Variants in EIF4G3 observed in about 807,000 individuals in gnomAD.
EIF4G3 encodes the protein eIF-4-gamma 3.
A neutral mutation model predicts 186.4 loss-of-function variants in EIF4G3; 34 were observed. The ratio of observed to expected loss-of-function variants is 0.18; its 90% CI spans 0.14 to 0.24. The LOEUF (loss-of-function observed/expected upper bound fraction) is 0.24, where lower values mean the gene tolerates loss of function less well. Ranked by LOEUF, EIF4G3 falls within the 10% of genes least tolerant of loss-of-function variation. EIF4G3 has a pLI of 1.00. For synonymous variants in EIF4G3, 673 were observed against 679.5 expected (o/e 0.99, Z 0.15); for missense variants, 1,536 against 1,948.5 (o/e 0.79, Z 3.99).
intron 4 of EIF4G3, among the ~76,000 whole-genome samples, chr1:21,025,951 A>G (rs72988026): frequency 0.033 from 4,982 of 152,258 alleles, 272 homozygotes; most frequent in African/African-American, 0.11. Context: ...GGAAGATTTA[A>G]TATTGTTAAT....
intron 3 of EIF4G3, among the ~76,000 whole-genome samples, chr1:21,060,222 T>C (rs1404601478): frequency 6.6e-6 from 1 of 152,188 alleles, no homozygotes; most frequent in Non-Finnish European, 1.5e-5. Context: ...AGTGCTGAAA[T>C]TACAGGCGTG....
chr1:20,980,246 A>T, intron 10 of EIF4G3, 88 bp downstream of exon 10: 1 of 868,078 alleles, frequency 1.2e-6, no homozygotes, highest in Non-Finnish European at 1.7e-6. Context: ...TCTTACCACT[A>T]AACCTCATTG....
chr1:21,098,755 A>G (rs1430484435), intron 2 of EIF4G3, among the ~76,000 whole-genome samples: 1 of 151,998 alleles, frequency 6.6e-6, no homozygotes, highest in East Asian at 1.9e-4. Context: ...GGCTTAAGCA[A>G]CCTTCCCAGC....
intron 5 of EIF4G3, among the ~76,000 whole-genome samples, chr1:21,001,560 C>G (rs2083503394): frequency 6.6e-6 from 1 of 152,020 alleles, no homozygotes; most frequent in Non-Finnish European, 1.5e-5. Flanking sequence ...TGTACACATC[C>G]CCAAACCACT....
intron 29 of EIF4G3, among the ~76,000 whole-genome samples, chr1:20,845,788 CT>C (rs930506526): frequency 6.6e-6 from 1 of 151,966 alleles, no homozygotes; most frequent in Non-Finnish European, 1.5e-5. Flanking sequence ...ATTTGGGCTC[CT>C]TTTTTTGGTT....
chr1:21,147,969 T>C (rs1297655793), intron 2 of EIF4G3, among the ~76,000 whole-genome samples: 3 of 152,206 alleles, frequency 2.0e-5, no homozygotes, highest in Admixed American at 2.0e-4. Flanking sequence ...TACATCAATT[T>C]TCCTAGTGTT....
chr1:20,915,849 G>C (rs1415528366), intron 14 of EIF4G3, among the ~76,000 whole-genome samples: 1 of 152,168 alleles, frequency 6.6e-6, no homozygotes, highest in African/African-American at 2.4e-5. Flanking sequence ...TTGTATTGAA[G>C]GTTCCAGCTA....
intron 11 of EIF4G3, 51 bp from the exon 12 acceptor site, chr1:20,969,647 A>C (rs763117148): frequency 1.0e-5 from 16 of 1,581,362 alleles, no homozygotes; most frequent in Non-Finnish European, 1.4e-5. Context: ...CTGTGTAGCA[A>C]ATTTATAGGC....
chr1:20,821,768 A>G (rs192633180), intron 33 of EIF4G3, among the ~76,000 whole-genome samples: 28 of 152,142 alleles, frequency 1.8e-4, no homozygotes, highest in African/African-American at 6.0e-4. Context: ...ATACTTCTCT[A>G]TTATGTATAC....
At chr1:21,167,272 T>C (rs866682390) in intron 2 of EIF4G3, among the ~76,000 whole-genome samples, 1 of 152,296 alleles carries the variant, frequency 6.6e-6, no homozygotes, top group African/African-American at 2.4e-5. Context: ...TCCAAAATTA[T>C]GTTTGTTCCC....
chr1:20,978,071 A>T (rs528642849), intron 10 of EIF4G3, among the ~76,000 whole-genome samples: 1 of 152,310 alleles, frequency 6.6e-6, no homozygotes, highest in African/African-American at 2.4e-5. Context: ...CAGCATGTTC[A>T]TGCTGATTAA....
chr1:20,817,736 A>G (rs1571014354), intron 33 of EIF4G3, among the ~76,000 whole-genome samples, 198 bp from the exon 34 acceptor site: 1 of 129,476 alleles, frequency 7.7e-6, no homozygotes, highest in African/African-American at 3.0e-5. Context: ...TCCAGGCTGG[A>G]GTAGTTTGGC....
chr1:21,042,778 C>T (rs1344598408), intron 4 of EIF4G3, among the ~76,000 whole-genome samples: 1 of 152,192 alleles, frequency 6.6e-6, no homozygotes, highest in East Asian at 1.9e-4. Flanking sequence ...CGCTCTGAAT[C>T]ACATATACAT....
chr1:20,832,107 C>T (rs140985155), intron 30 of EIF4G3, among the ~76,000 whole-genome samples: 3,014 of 148,070 alleles, frequency 0.02, 61 homozygotes, highest in Non-Finnish European at 0.026. Flanking sequence ...GATTCATAGT[C>T]CTTTAGGTAT....
At chr1:20,843,442 G>A (rs143687141) in intron 29 of EIF4G3, among the ~76,000 whole-genome samples, 240 of 151,956 alleles carry the variant, frequency 1.6e-3, no homozygotes, top group African/African-American at 5.4e-3. Flanking sequence ...GCTTGAACCC[G>A]GGAGGCGGAG....
At chr1:21,047,560 G>A (rs1410080960) in intron 4 of EIF4G3, among the ~76,000 whole-genome samples, 3 of 151,966 alleles carry the variant, frequency 2.0e-5, no homozygotes, top group African/African-American at 7.3e-5. Flanking sequence ...TAAAACTCCC[G>A]ATAGCCCATT....
chr1:21,048,558 C>G (rs1381022918), intron 4 of EIF4G3, among the ~76,000 whole-genome samples: 2 of 152,164 alleles, frequency 1.3e-5, no homozygotes, highest in African/African-American at 4.8e-5. Flanking sequence ...ATAGCTTCAT[C>G]AGAGCAAGAT....
At chr1:21,103,298 C>G (rs1315919153) in intron 2 of EIF4G3, among the ~76,000 whole-genome samples, 1 of 152,146 alleles carries the variant, frequency 6.6e-6, no homozygotes, top group East Asian at 1.9e-4. Flanking sequence ...GTCCCCTACA[C>G]CAAATGTTCA....
intron 14 of EIF4G3, among the ~76,000 whole-genome samples, chr1:20,911,996 C>T (rs1445515628): frequency 6.6e-6 from 1 of 152,016 alleles, no homozygotes; most frequent in Non-Finnish European, 1.5e-5. Context: ...GGCTCTGTCT[C>T]TAAAAAAATA....
Sources: gnomAD v4.1 joint callset for allele counts (sites outside exome capture counted in the v4.1 genomes callset) on GRCh38, gnomAD v4.1.1 for gene constraint, MANE v1.5 for transcripts, NCBI Gene and HGNC (gene_info 2026-07-23, HGNC 2026-07-21) for gene names.